Variants in PAPPA2 observed in about 807,000 individuals in gnomAD.
PAPPA2 encodes pappalysin-2.
In PAPPA2, 86 loss-of-function variants were observed where a neutral mutation model predicts 176.4. That is an observed-to-expected ratio of 0.49 (90% CI 0.41 to 0.58). The LOEUF (loss-of-function observed/expected upper bound fraction) is 0.58, where lower values mean the gene tolerates loss of function less well. Ranked by LOEUF, PAPPA2 falls within the 20% of genes least tolerant of loss-of-function variation. PAPPA2 has a pLI of 0.00. For missense variants in PAPPA2, 2,073 were observed against 2,256.9 expected (o/e 0.92, Z 1.65); for synonymous variants, 809 against 852.2 (o/e 0.95, Z 0.88).
chr1:176,670,238 A>G (rs565368192), intron 3 of PAPPA2, among the ~76,000 whole-genome samples: 8 of 152,322 alleles, frequency 5.3e-5, no homozygotes, highest in South Asian at 4.1e-4. Context: ...TATAAGCCAC[A>G]AGTCATGTGT....
At chr1:176,569,595 G>A (rs529135317) in intron 2 of PAPPA2, among the ~76,000 whole-genome samples, 2 of 152,306 alleles carry the variant, frequency 1.3e-5, no homozygotes, top group African/African-American at 4.8e-5. Flanking sequence ...ACTGGACTGG[G>A]TGTTTGACGT....
chr1:176,476,626 A>G (rs187081141), intron 1 of PAPPA2, among the ~76,000 whole-genome samples: 199 of 152,310 alleles, frequency 1.3e-3, no homozygotes, highest in African/African-American at 4.4e-3. Context: ...GCCAAAATGC[A>G]AAGCTAGCAC....
At chr1:176,518,082 G>C (rs2102533324) in intron 1 of PAPPA2, among the ~76,000 whole-genome samples, 1 of 152,172 alleles carries the variant, frequency 6.6e-6, no homozygotes, top group Non-Finnish European at 1.5e-5. Flanking sequence ...CAAGGTGGGA[G>C]GATTGGTAGG....
chr1:176,582,058 G>C (rs1653012369), intron 2 of PAPPA2, among the ~76,000 whole-genome samples: 5 of 151,108 alleles, frequency 3.3e-5, no homozygotes, highest in Admixed American at 3.3e-4. Context: ...CGAGTAGCTG[G>C]GACTACAGGT....
At chr1:176,736,308 C>A (rs1362540142) in intron 12 of PAPPA2, among the ~76,000 whole-genome samples, 2 of 151,518 alleles carry the variant, frequency 1.3e-5, no homozygotes, top group African/African-American at 2.4e-5. Flanking sequence ...TTATTTATCT[C>A]TAATAAAGCA....
intron 21 of PAPPA2, among the ~76,000 whole-genome samples, chr1:176,816,567 CTTAT>C (rs1666414452): frequency 6.6e-6 from 1 of 150,766 alleles, no homozygotes; most frequent in Non-Finnish European, 1.5e-5. Flanking sequence ...ATGTTGTTGA[CTTAT>C]TTATCAGCTG....
intron 5 of PAPPA2, chr1:176,691,162 A>C: frequency 2.0e-6 from 2 of 983,950 alleles, no homozygotes; most frequent in Non-Finnish European, 2.4e-6. Context: ...CCTATAATGG[A>C]CTCAAAGTTA....
chr1:176,701,414 C>A (rs1660646821), intron 8 of PAPPA2, among the ~76,000 whole-genome samples: 1 of 152,130 alleles, frequency 6.6e-6, no homozygotes, highest in Non-Finnish European at 1.5e-5. Context: ...AAACTGTCAG[C>A]ATTGATTAGG....
At chr1:176,818,000 G>A (rs1274950089) in intron 21 of PAPPA2, among the ~76,000 whole-genome samples, 1 of 152,132 alleles carries the variant, frequency 6.6e-6, no homozygotes, top group Non-Finnish European at 1.5e-5. Context: ...AGGAAGTGAA[G>A]CCAGTCAAGG....
At chr1:176,736,487 ATATATT>A (rs1457608864) in intron 12 of PAPPA2, among the ~76,000 whole-genome samples, 3 of 147,154 alleles carry the variant, frequency 2.0e-5, no homozygotes, top group Non-Finnish European at 3.0e-5. Flanking sequence ...ATGTAAAAAT[ATATATT>A]TATATATATT....
chr1:176,596,685 T>C (rs1275463158), intron 3 of PAPPA2, among the ~76,000 whole-genome samples: 2 of 152,212 alleles, frequency 1.3e-5, no homozygotes. Flanking sequence ...TGTTAACCAC[T>C]ATATTCCCAA....
intron 2 of PAPPA2, among the ~76,000 whole-genome samples, chr1:176,585,656 G>A (rs1414905370): frequency 1.3e-5 from 2 of 151,650 alleles, no homozygotes; most frequent in African/African-American, 2.4e-5. Context: ...ATACATTTTT[G>A]TAGGCTTTTT....
At chr1:176,585,941 C>G (rs1653278399) in intron 2 of PAPPA2, among the ~76,000 whole-genome samples, 1 of 152,128 alleles carries the variant, frequency 6.6e-6, no homozygotes, top group African/African-American at 2.4e-5. Context: ...TATCTCTTAT[C>G]TATCTCTTAT....
chr1:176,683,019 T>C (rs545210588), intron 4 of PAPPA2, among the ~76,000 whole-genome samples: 7 of 146,234 alleles, frequency 4.8e-5, no homozygotes, highest in Admixed American at 3.4e-4. Flanking sequence ...TATTTATTTA[T>C]TTATTTATTT....
intron 4 of PAPPA2, among the ~76,000 whole-genome samples, chr1:176,682,554 G>T (rs961254392): frequency 2.0e-5 from 3 of 152,110 alleles, no homozygotes; most frequent in Non-Finnish European, 4.4e-5. Context: ...ATGTCTTGAT[G>T]CAGGCATACA....
intron 21 of PAPPA2, among the ~76,000 whole-genome samples, chr1:176,801,018 A>G (rs975527100): frequency 6.6e-6 from 1 of 152,126 alleles, no homozygotes; most frequent in Non-Finnish European, 1.5e-5. Flanking sequence ...TTTAAAAGTC[A>G]ACTTTTAAAT....
In PAPPA2 at chr1:176,769,782, A is replaced by G. The variant is rs750625783; in HGVS notation, c.4499A>G (p.Gln1500Arg). ...TCTTGTGTCCCACCAGCCAAGCTGC[A>G]AGGTATTGTCTGGTCAACCAGGAAC... is the stretch of plus-strand genomic sequence containing the variant. ...SISCVPPAKLQGLSPWLTCLE... is the reference protein window; with the variant it reads ...SISCVPPAKLRGLSPWLTCLE... Residue 1500 changes from glutamine to arginine, a missense_variant and splice_region_variant, in exon 16 of 23, where the codon CAA (glutamine) becomes CGA (arginine). Physicochemically the swap from Gln to Arg is conservative, Grantham distance 43. Around this residue, in one of 4 missense-constraint regions of PAPPA2, gnomAD observed 846 missense variants for 857.9 expected, o/e 0.99. Coordinates refer to ENST00000367662, the MANE Select transcript of PAPPA2 (RefSeq NM_020318.3). 3 of 1,605,462 alleles carry G rather than the reference A, an allele frequency of 1.9e-6. No homozygotes were observed. Among genetic ancestry groups the G allele is most frequent in the East Asian group, 2.2e-5 (1 of 44,806 alleles).
intron 21 of PAPPA2, among the ~76,000 whole-genome samples, chr1:176,837,465 T>C (rs1193658054): frequency 1.5e-5 from 2 of 135,976 alleles, no homozygotes; most frequent in Admixed American, 1.5e-4. Flanking sequence ...GGGTTCTATA[T>C]GTTGTTAAAA....
chr1:176,770,088 C>A (rs1664155329), intron 16 of PAPPA2, among the ~76,000 whole-genome samples: 1 of 152,178 alleles, frequency 6.6e-6, no homozygotes. Flanking sequence ...TATTCATAAT[C>A]AAGATACACT....
Sources: allele counts gnomAD v4.1 joint callset (sites outside exome capture counted in the v4.1 genomes callset), GRCh38; gene constraint gnomAD v4.1.1; regional missense constraint gnomAD v4.1.1; transcripts MANE v1.5; gene names NCBI Gene and HGNC (gene_info 2026-07-23, HGNC 2026-07-21).